DMD: variants seen among roughly 807,000 people sequenced by gnomAD.
DMD encodes the protein dystrophin, also known as mutant dystrophin.
Under a neutral mutation model 330.1 loss-of-function variants are expected in DMD, and 63 were observed. That is an observed-to-expected ratio of 0.19 (90% CI 0.16 to 0.24). The LOEUF is 0.24. Among genes scored for constraint, DMD ranks in the 10% least tolerant of loss-of-function variants. The probability of loss-of-function intolerance (pLI) is 1.00; values close to 1 mark genes in which losing one functional copy is unlikely to be tolerated. For missense variants in DMD, 3,344 were observed against 2,684.1 expected, an observed-to-expected ratio of 1.25 and a Z score of -5.43; for synonymous variants, 1,223 against 959.8, an observed-to-expected ratio of 1.27 and a Z score of -5.07.
chrX:32,386,237 A>T, intron 33 of DMD, 73 bp downstream of exon 33: 3 of 1,132,506 alleles, frequency 2.6e-6, no homozygotes, highest in Non-Finnish European at 3.6e-6. Context: ...AATCATACAT[A>T]ATTTATTGCC....
chrX:31,171,815 C>A (rs2148208434), intron 73 of DMD, among the ~76,000 whole-genome samples: 1 of 111,830 alleles, frequency 8.9e-6, no homozygotes, highest in South Asian at 3.7e-4. Context: ...TACTTCTCCT[C>A]TGGAAACTCT....
At chrX:32,523,828 G>A (rs1340932671) in intron 17 of DMD, among the ~76,000 whole-genome samples, 2 of 111,250 alleles carry the variant, frequency 1.8e-5, no homozygotes, top group East Asian at 5.6e-4. Flanking sequence ...TAACATGCAT[G>A]TTGATGTAAC....
chrX:33,019,210 A>T (rs751563714), intron 2 of DMD, among the ~76,000 whole-genome samples: 1 of 111,797 alleles, frequency 8.9e-6, no homozygotes, highest in Non-Finnish European at 1.9e-5. Flanking sequence ...TAAGAGTTTC[A>T]GGCATTTTAG....
intron 27 of DMD, among the ~76,000 whole-genome samples, chrX:32,445,464 T>G (rs1717960168): frequency 9.0e-6 from 1 of 111,201 alleles, no homozygotes; most frequent in Non-Finnish European, 1.9e-5. Flanking sequence ...TTATTCTCAC[T>G]CCTGCGTCTG....
Position 31,931,009 on chromosome X carries a change from T to C in DMD, c.6762+1071A>G, listed in dbSNP as rs190700608. On this transcript the variant is annotated intron_variant, in intron 46 of 78. Transcript: ENST00000357033. Reference sequence around the variant, plus strand: ...TACGCCATATTTTATTTTTATACTTTATTTCTTGTTCAGGTGTAAACCTCT... The same window carrying C: ...TACGCCATATTTTATTTTTATACTTCATTTCTTGTTCAGGTGTAAACCTCT... Among the ~76,000 whole-genome samples the C allele has an allele frequency of 3.6e-5, 4 of 112,307 alleles. No individual in the cohort carries two copies. The East Asian group carries it at 8.4e-4, about 24-fold the overall frequency.
chrX:32,876,232 G>T (rs987329839), intron 2 of DMD, among the ~76,000 whole-genome samples: 2 of 111,322 alleles, frequency 1.8e-5, no homozygotes, highest in Non-Finnish European at 3.8e-5. Flanking sequence ...CCTCATTCTT[G>T]CCACATCCTT....
At chrX:31,888,878 G>A (rs1465186697) in intron 47 of DMD, among the ~76,000 whole-genome samples, 2 of 111,830 alleles carry the variant, frequency 1.8e-5, no homozygotes, top group East Asian at 2.8e-4. Flanking sequence ...CATAGCTCTC[G>A]GAATATTACT....
chrX:31,761,551 T>C (rs1447753396), intron 51 of DMD, among the ~76,000 whole-genome samples: 2 of 112,239 alleles, frequency 1.8e-5, no homozygotes, highest in Non-Finnish European at 3.8e-5. Flanking sequence ...CAGTGTATAC[T>C]TTCTCTTGAA....
rs765283274 is a variant in DMD at position 33,082,524 on chromosome X, G to T, written c.32-62324C>A. ...TTCCAGAAGCCAACAATTGAACCCA[G>T]GCCACCACTGTCAAAAGACAAAGCC... On this transcript the variant is annotated intron_variant, in intron 1 of 78. Coordinates refer to ENST00000357033, the MANE Select transcript of DMD (RefSeq NM_004006.3). Among the ~76,000 whole-genome samples, 73 of 112,345 alleles carry T rather than the reference G, an allele frequency of 6.5e-4. No individual in the cohort carries two copies. The Admixed American group carries it at 6.6e-3, about 10-fold the overall frequency.
At chrX:31,409,436 A>G (rs1375905945) in intron 60 of DMD, among the ~76,000 whole-genome samples, 1 of 112,021 alleles carries the variant, frequency 8.9e-6, no homozygotes, top group Non-Finnish European at 1.9e-5. Context: ...CCTTTACTAC[A>G]ATGGGGGTTT....
At chrX:31,355,860 G>GAAA (rs201519954) in intron 60 of DMD, among the ~76,000 whole-genome samples, 1 of 86,106 alleles carries the variant, frequency 1.2e-5, no homozygotes. Flanking sequence ...AGTTGTAACT[G>GAAA]AAAAAATAAT....
chrX:33,296,593 G>T (rs1161019566), intron 1 of DMD, among the ~76,000 whole-genome samples: 3 of 110,745 alleles, frequency 2.7e-5, no homozygotes, highest in Non-Finnish European at 5.7e-5. Flanking sequence ...TTAGAAAAAA[G>T]AAAAATTCTA....
intron 48 of DMD, among the ~76,000 whole-genome samples, chrX:31,870,948 C>T (rs1324533415): frequency 9.0e-6 from 1 of 111,697 alleles, no homozygotes; most frequent in Non-Finnish European, 1.9e-5. Flanking sequence ...AAGCAGTAGT[C>T]AGTCTTATGT....
chrX:32,380,503 GT>G lies in DMD; in HGVS notation c.4845+6del. On this transcript the variant is annotated splice_donor_region_variant and intron_variant, in intron 34 of 78. Coordinates refer to ENST00000357033, the MANE Select transcript of DMD (RefSeq NM_004006.3). Reference sequence around the variant, plus strand: ...TTCAAAATAACCTTCAGTGATATAGGTTTTACCTTTCCCCAGGCAACTTCAG... The same window carrying G: ...TTCAAAATAACCTTCAGTGATATAGGTTTACCTTTCCCCAGGCAACTTCAG... 1 of 1,207,845 alleles carries G rather than the reference GT, an allele frequency of 8.3e-7. No homozygotes were observed. The highest frequency in any genetic ancestry group is 1.1e-6 in the Non-Finnish European group (1 of 892,822).
Position 32,371,661 on chromosome X carries a change from T to A in DMD, c.4846-6462A>T, listed in dbSNP as rs1475492716. Among the ~76,000 whole-genome samples the A allele has an allele frequency of 7.2e-5, 8 of 111,551 alleles. 1 individual carries two copies. The East Asian group carries it at 2.2e-3, about 31-fold the overall frequency. ...TTCAGGGAAGTAAACCTCTAATTAA[T>A]CACATACATATTTACTTTCCTATGG... On this transcript the variant is annotated intron_variant, in intron 34 of 78. Coordinates refer to ENST00000357033, the MANE Select transcript of DMD (RefSeq NM_004006.3).
At chrX:33,169,014 A>G (rs1465491733) in intron 1 of DMD, among the ~76,000 whole-genome samples, 26 of 105,421 alleles carry the variant, frequency 2.5e-4, no homozygotes, top group African/African-American at 7.8e-4. Flanking sequence ...TTTTGCCTCT[A>G]TTGATTCTCT....
intron 60 of DMD, among the ~76,000 whole-genome samples, chrX:31,412,143 A>T (rs2148897904): frequency 1.0e-5 from 1 of 98,745 alleles, no homozygotes; most frequent in South Asian, 5.4e-4. Flanking sequence ...CCGAGATCGC[A>T]CCACTACATT....
At chrX:32,755,977 C>G (rs967961346) in intron 7 of DMD, among the ~76,000 whole-genome samples, 5 of 112,499 alleles carry the variant, frequency 4.4e-5, no homozygotes, top group African/African-American at 1.6e-4. Flanking sequence ...ATATTAAGGT[C>G]TTACTACCTG....
At chrX:32,567,918 T>TA (rs995929366) in intron 15 of DMD, among the ~76,000 whole-genome samples, 62 of 108,070 alleles carry the variant, frequency 5.7e-4, no homozygotes, top group Admixed American at 3.1e-3. Flanking sequence ...AATCTAAAAA[T>TA]AAAAAAAAAA....
Sources: gnomAD v4.1 joint callset for allele counts (sites outside exome capture counted in the v4.1 genomes callset) on GRCh38, gnomAD v4.1.1 for gene constraint, MANE v1.5 for transcripts, NCBI Gene and HGNC (gene_info 2026-07-23, HGNC 2026-07-21) for gene names.